NEGR1: variants seen among roughly 807,000 people sequenced by gnomAD.
NEGR1 encodes neuronal growth regulator 1, also known as IgLON family member 4.
A neutral mutation model predicts 40.9 loss-of-function variants in NEGR1; 10 were observed. The ratio of observed to expected loss-of-function variants is 0.24; its 90% CI spans 0.15 to 0.42. The LOEUF (loss-of-function observed/expected upper bound fraction) is 0.42. NEGR1 is among the 10% of genes least tolerant of loss of function. The probability of loss-of-function intolerance (pLI) is 1.00; values close to 1 mark genes in which losing one functional copy is unlikely to be tolerated. For missense variants in NEGR1, 352 were observed against 438.9 expected, an observed-to-expected ratio of 0.80 and a Z score of 1.77; for synonymous variants, 185 against 166.8, an observed-to-expected ratio of 1.11 and a Z score of -0.84.
At chr1:72,031,408 T>A (rs144802650) in intron 1 of NEGR1, among the ~76,000 whole-genome samples, 1 of 152,314 alleles carries the variant, frequency 6.6e-6, no homozygotes, top group Non-Finnish European at 1.5e-5. Flanking sequence ...TTTTGGATAT[T>A]AAAATTTTGC....
intron 1 of NEGR1, among the ~76,000 whole-genome samples, chr1:72,075,442 A>C (rs1647685317): frequency 6.6e-6 from 1 of 152,224 alleles, no homozygotes; most frequent in Admixed American, 6.5e-5. Context: ...TTAAGACTAT[A>C]TACTGGAATT....
intron 4 of NEGR1, among the ~76,000 whole-genome samples, chr1:71,664,876 T>C (rs1652188120): frequency 6.6e-6 from 1 of 152,202 alleles, no homozygotes; most frequent in Non-Finnish European, 1.5e-5. Context: ...TTACTTTATC[T>C]AGAGAAATGT....
At chr1:71,525,694 G>C (rs1462668325) in intron 6 of NEGR1, among the ~76,000 whole-genome samples, 1 of 151,516 alleles carries the variant, frequency 6.6e-6, no homozygotes, top group African/African-American at 2.4e-5. Context: ...TATAATGTAA[G>C]GTATTAAGTG....
intron 1 of NEGR1, among the ~76,000 whole-genome samples, chr1:71,962,001 T>A (rs999412597): frequency 1.3e-5 from 2 of 152,142 alleles, no homozygotes; most frequent in African/African-American, 4.8e-5. Flanking sequence ...AGAGTGGTAT[T>A]TGTATTATTC....
At chr1:72,054,842 T>C (rs1245089827) in intron 1 of NEGR1, among the ~76,000 whole-genome samples, 1 of 151,162 alleles carries the variant, frequency 6.6e-6, no homozygotes, top group Non-Finnish European at 1.5e-5. Context: ...TCTGCATTAG[T>C]AGTCTGTGAT....
rs1646209901 is a variant in NEGR1, at chr1:71,396,101, C to T, written c.*11345G>A. 1 of 152,114 alleles carries T rather than the reference C, an allele frequency of 6.6e-6. No homozygotes were observed. Among genetic ancestry groups the T allele is most frequent in the Non-Finnish European group, 1.5e-5 (1 of 68,014 alleles). 9.4% of individuals were successfully genotyped at this position (152,114 alleles called of 1,614,324 possible). On this transcript the variant is annotated 3_prime_UTR_variant, in exon 7 of 7. Transcript: ENST00000357731. ...CACACACCGACACACACAAAAGAGC[C>T]TTTCTTAGGAGAAAATATACATTAA...
intron 5 of NEGR1, among the ~76,000 whole-genome samples, chr1:71,605,935 A>G (rs1360163096): frequency 6.6e-6 from 1 of 152,196 alleles, no homozygotes; most frequent in Non-Finnish European, 1.5e-5. Flanking sequence ...TTCCAATATA[A>G]AAAATACTTA....
chr1:71,451,805 C>T (rs1646630974), intron 6 of NEGR1, among the ~76,000 whole-genome samples: 2 of 152,168 alleles, frequency 1.3e-5, no homozygotes, highest in Admixed American at 1.3e-4. Flanking sequence ...TGACTAGGCT[C>T]ATTAAAAATA....
intron 6 of NEGR1, among the ~76,000 whole-genome samples, chr1:71,490,451 T>C (rs1165327874): frequency 6.6e-6 from 1 of 152,034 alleles, no homozygotes. Flanking sequence ...TGTTCATTGA[T>C]TTGTTTCATC....
chr1:71,948,379 G>T (rs1646039475), intron 1 of NEGR1, among the ~76,000 whole-genome samples: 1 of 151,526 alleles, frequency 6.6e-6, no homozygotes, highest in Non-Finnish European at 1.5e-5. Flanking sequence ...GTAGTCTAGG[G>T]TTTCTTTTCA....
chr1:71,731,966 C>T (rs1654887349), intron 3 of NEGR1, among the ~76,000 whole-genome samples: 1 of 152,132 alleles, frequency 6.6e-6, no homozygotes, highest in Admixed American at 6.5e-5. Flanking sequence ...TACTAATTGA[C>T]TCAAATTGAA....
rs3220087 is a variant in NEGR1 at position 71,674,586 on chromosome 1, G to GCACACACACACA, written c.667+23410_667+23421dup. 1.2e-4 allele frequency among the ~76,000 whole-genome samples: 17 copies of GCACACACACACA among 146,906 alleles called. No individual in the cohort carries two copies. The East Asian group carries it at 1.4e-3, about 12-fold the overall frequency. On this transcript the variant is annotated intron_variant, in intron 4 of 6. Transcript: ENST00000357731. ...TACTCTGCAGGCTTTTGCTGGGAGG[G>GCACACACACACA]CACACACACACACACACACACACAC...
intron 1 of NEGR1, among the ~76,000 whole-genome samples, chr1:72,044,106 T>C (rs1646980111): frequency 6.6e-6 from 1 of 151,786 alleles, no homozygotes; most frequent in African/African-American, 2.4e-5. Flanking sequence ...CATTGAAGCC[T>C]CAAAAATATT....
chr1:72,137,899 G>A (rs1650528990), intron 1 of NEGR1, among the ~76,000 whole-genome samples: 1 of 151,956 alleles, frequency 6.6e-6, no homozygotes, highest in African/African-American at 2.4e-5. Flanking sequence ...GAAGACAGTG[G>A]AGCAAGATCT....
intron 1 of NEGR1, among the ~76,000 whole-genome samples, chr1:72,215,196 C>T (rs1194258): frequency 0.022 from 3,329 of 152,146 alleles, 54 homozygotes; most frequent in African/African-American, 0.032. Flanking sequence ...CTTCCTTAGA[C>T]CTCATACAAA....
chr1:71,753,676 C>T (rs981167160), intron 3 of NEGR1, among the ~76,000 whole-genome samples: 5 of 152,136 alleles, frequency 3.3e-5, no homozygotes, highest in African/African-American at 1.2e-4. Flanking sequence ...TCTTTATATT[C>T]GGAGAATGAG....
At chr1:71,874,140 T>C (rs1055736830) in intron 2 of NEGR1, among the ~76,000 whole-genome samples, 7 of 152,164 alleles carry the variant, frequency 4.6e-5, no homozygotes, top group African/African-American at 1.4e-4. Flanking sequence ...ACTTGGTTCT[T>C]CATGTGAAAT....
chr1:71,723,892 G>A (rs568815102), intron 3 of NEGR1, among the ~76,000 whole-genome samples: 1 of 152,166 alleles, frequency 6.6e-6, no homozygotes, highest in Admixed American at 6.5e-5. Flanking sequence ...TGCAGGTTGA[G>A]TATTAGAATT....
chr1:72,091,027 A>G (rs1171410283), intron 1 of NEGR1, among the ~76,000 whole-genome samples: 1 of 152,182 alleles, frequency 6.6e-6, no homozygotes, highest in Admixed American at 6.5e-5. Context: ...CATCACCTGC[A>G]TCTGATAAAT....
Sources: gnomAD v4.1 joint callset for allele counts (sites outside exome capture counted in the v4.1 genomes callset) on GRCh38, gnomAD v4.1.1 for gene constraint, MANE v1.5 for transcripts, NCBI Gene and HGNC (gene_info 2026-07-23, HGNC 2026-07-21) for gene names.